The following PEAK1 variants were observed in gnomAD, a reference collection of about 807,000 sequenced individuals.
PEAK1 encodes the protein pseudopodium enriched atypical kinase 1.
A neutral mutation model predicts 124.7 loss-of-function variants in PEAK1; 54 were observed. The ratio of observed to expected loss-of-function variants is 0.43; its 90% CI spans 0.35 to 0.54. PEAK1 has a LOEUF of 0.54. Among genes scored for constraint, PEAK1 ranks in the 20% least tolerant of loss-of-function variants. The probability of loss-of-function intolerance (pLI) is 0.01; values close to 1 mark genes in which losing one functional copy is unlikely to be tolerated. For synonymous variants in PEAK1, 719 were observed against 760.0 expected (o/e 0.95, Z 0.89); for missense variants, 2,046 against 2,134.5 (o/e 0.96, Z 0.82).
At chr15:77,288,225 C>T (rs1269215778) in intron 2 of PEAK1, among the ~76,000 whole-genome samples, 1 of 151,454 alleles carries the variant, frequency 6.6e-6, no homozygotes, top group African/African-American at 2.5e-5. Flanking sequence ...AATGACCAGG[C>T]TCATACCTAT....
intron 7 of PEAK1, among the ~76,000 whole-genome samples, chr15:77,169,158 G>A (rs2152803490): frequency 6.6e-6 from 1 of 152,206 alleles, no homozygotes; most frequent in South Asian, 2.1e-4. Flanking sequence ...TGAACTCCTG[G>A]GCTCAAGTGA....
intron 7 of PEAK1, among the ~76,000 whole-genome samples, chr15:77,162,573 C>T (rs993667098): frequency 6.9e-6 from 1 of 144,632 alleles, no homozygotes; most frequent in Non-Finnish European, 1.5e-5. Context: ...AACTCAAATA[C>T]TAAAGTGATA....
Position 77,181,669 on chromosome 15 carries a change from A to G in PEAK1, c.258T>C (p.Cys86=). 6.2e-7 allele frequency: 1 copy of G among 1,614,142 alleles called. No homozygotes were observed. Among genetic ancestry groups the G allele is most frequent in the African/African-American group, 1.3e-5 (1 of 75,044 alleles). ...TMIVADGQSI[C]GELSIQEHCE... ...AGTGTTCTTGGATGCTAAGCTCACC[A>G]CATATACTTTGCCCATCTGCCACTA... The change falls in exon 7 of 10, where the codon TGT becomes TGC. Residue 86 remains cysteine, a synonymous_variant. Transcript: ENST00000682557.
chr15:77,176,879 C>G (rs1471225571), intron 7 of PEAK1, among the ~76,000 whole-genome samples: 2 of 152,196 alleles, frequency 1.3e-5, no homozygotes, highest in Non-Finnish European at 2.9e-5. Context: ...CATGTAAGAA[C>G]TGTCTACCAT....
intron 2 of PEAK1, chr15:77,350,019 T>A (rs150098592): frequency 6.5e-5 from 64 of 985,034 alleles, no homozygotes; most frequent in Middle Eastern, 5.2e-4. Context: ...GAAGAAGACA[T>A]AGAACAGCAA....
At chr15:77,333,516 C>A in intron 2 of PEAK1, 1 of 851,650 alleles carries the variant, frequency 1.2e-6, no homozygotes, top group Non-Finnish European at 1.4e-6. Flanking sequence ...AAAATAATTT[C>A]TCCACTACTT....
intron 1 of PEAK1, among the ~76,000 whole-genome samples, chr15:77,416,531 T>C (rs553937767): frequency 6.6e-6 from 1 of 152,338 alleles, no homozygotes; most frequent in African/African-American, 2.4e-5. Context: ...AATACAAATC[T>C]GATTCTACCA....
chr15:77,417,826 C>A, intron 1 of PEAK1: 10 of 985,338 alleles, frequency 1.0e-5, no homozygotes, highest in Non-Finnish European at 1.2e-5. Flanking sequence ...ATGAAATGTG[C>A]CAAAGCATGA....
chr15:77,225,145 G>A (rs1248625767), intron 6 of PEAK1, among the ~76,000 whole-genome samples: 3 of 151,984 alleles, frequency 2.0e-5, no homozygotes, highest in South Asian at 2.1e-4. Flanking sequence ...AGAAGAAAAC[G>A]GAGGCACTTT....
At chr15:77,214,084 A>G (rs962351611) in intron 6 of PEAK1, among the ~76,000 whole-genome samples, 9 of 152,162 alleles carry the variant, frequency 5.9e-5, no homozygotes, top group African/African-American at 1.9e-4. Flanking sequence ...TTTGAGATAC[A>G]TTAATCTTGT....
At position 77,202,237 on chromosome 15, in the gene PEAK1, G is replaced by C. The variant is rs116165786; in HGVS notation, c.-114-20197C>G. ...TTGCGCACCTTGCAATTTAGCACTAGATTATTTCTCAGATCCTTGAACAAC... is the reference window on the plus strand; with the variant it reads ...TTGCGCACCTTGCAATTTAGCACTACATTATTTCTCAGATCCTTGAACAAC... On this transcript the variant is annotated intron_variant, in intron 6 of 9. Transcript: ENST00000682557. 4.2e-3 allele frequency among the ~76,000 whole-genome samples: 633 copies of C among 152,222 alleles called. 5 individuals are homozygous for C. Among genetic ancestry groups the C allele is most frequent in the African/African-American group, 0.014 (593 of 41,522 alleles).
Position 77,180,502 on chromosome 15 carries a change from A to T in PEAK1, c.1425T>A (p.Tyr475Ter). 1 of 1,614,144 alleles carries T rather than the reference A, an allele frequency of 6.2e-7. No individual in the cohort carries two copies. The highest frequency in any genetic ancestry group is 2.2e-5 in the East Asian group (1 of 44,878). The change falls in exon 7 of 10, where the codon TAT becomes TAA. Residue 475 changes from tyrosine to a stop codon, truncating the protein, a stop_gained. Coordinates refer to ENST00000682557, the MANE Select transcript of PEAK1 (RefSeq NM_001385026.1). LOFTEE classifies it high-confidence loss of function. The stretch of plus-strand genomic sequence containing the variant: ...TGGCTGCTGACACATCCACGACAGT[A>T]TATGGCTTGCACAATGGCTGTTCCA... The part of the protein sequence containing the change: ...VNLEQPLCKP[Y>*]TVVDVSAAMA...
At chr15:77,182,581 A>G (rs2057331481) in intron 6 of PEAK1, among the ~76,000 whole-genome samples, 1 of 151,734 alleles carries the variant, frequency 6.6e-6, no homozygotes, top group South Asian at 2.1e-4. Context: ...ATAAAATCCC[A>G]TCTCTAAAAA....
intron 1 of PEAK1, among the ~76,000 whole-genome samples, chr15:77,372,704 T>A (rs1021093640): frequency 6.6e-6 from 1 of 152,150 alleles, no homozygotes; most frequent in African/African-American, 2.4e-5. Flanking sequence ...CGCTCAAATC[T>A]CATGTCAGAC....
At chr15:77,325,191 G>A (rs1047486474) in intron 2 of PEAK1, among the ~76,000 whole-genome samples, 2 of 152,174 alleles carry the variant, frequency 1.3e-5, no homozygotes, top group Non-Finnish European at 2.9e-5. Context: ...GGCCAAGGTG[G>A]GAGAATTGCT....
chr15:77,225,190 A>G (rs1392638092), intron 6 of PEAK1, among the ~76,000 whole-genome samples: 2 of 152,016 alleles, frequency 1.3e-5, no homozygotes, highest in African/African-American at 4.8e-5. Context: ...AGTTAGAGGA[A>G]TTGAGATCTC....
chr15:77,250,243 A>G (rs35669736), intron 6 of PEAK1, among the ~76,000 whole-genome samples: 10,905 of 86,314 alleles, frequency 0.13, 589 homozygotes, highest in Non-Finnish European at 0.19. Context: ...GTATATGTAT[A>G]TATATATATA....
chr15:77,229,026 C>T (rs1308436322), intron 6 of PEAK1, among the ~76,000 whole-genome samples: 1 of 152,052 alleles, frequency 6.6e-6, no homozygotes, highest in Non-Finnish European at 1.5e-5. Flanking sequence ...TCAGGCTACT[C>T]CAGAGGTTCT....
rs529801504 is a variant in PEAK1 at position 77,408,549 on chromosome 15, AAAAC to A, written c.-666+11453_-666+11456del. Among the ~76,000 whole-genome samples, 705 of 152,258 alleles carry A rather than the reference AAAAC, an allele frequency of 4.6e-3. 4 individuals are homozygous for A. The highest frequency in any genetic ancestry group is 7.5e-3 in the Non-Finnish European group (507 of 68,012). ...CCTATGAAATAAAAATTTAAAAAAA[AAAAC>A]AGTCTAGGAATACTGCTGCAGAAAC... On this transcript the variant is annotated intron_variant, in intron 1 of 9. Coordinates refer to ENST00000682557, the MANE Select transcript of PEAK1 (RefSeq NM_001385026.1).
Sources: gnomAD v4.1 joint callset for allele counts (sites outside exome capture counted in the v4.1 genomes callset) on GRCh38, gnomAD v4.1.1 for gene constraint, MANE v1.5 for transcripts, NCBI Gene and HGNC (gene_info 2026-07-23, HGNC 2026-07-21) for gene names.